IL4I1: variants seen among roughly 807,000 people sequenced by gnomAD.
The protein encoded by IL4I1 is interleukin 4 induced 1, also known as L-amino-acid oxidase.
Under a neutral mutation model 29.7 loss-of-function variants are expected in IL4I1, and 24 were observed. The ratio of observed to expected loss-of-function variants is 0.81; its 90% CI spans 0.59 to 1.14. The LOEUF (loss-of-function observed/expected upper bound fraction) is 1.14, where lower values mean the gene tolerates loss of function less well. IL4I1 is among the 50% of genes most tolerant of loss of function. The pLI is 0.00. For synonymous variants in IL4I1, 371 were observed against 352.5 expected, an observed-to-expected ratio of 1.05 and a Z score of -0.59; for missense variants, 686 against 785.6, an observed-to-expected ratio of 0.87 and a Z score of 1.52.
Position 49,890,565 on chromosome 19 carries a change from G to T in IL4I1, c.809C>A (p.Pro270Gln). 2 of 1,590,988 alleles carry T rather than the reference G, an allele frequency of 1.3e-6. No homozygotes were observed. The highest frequency in any genetic ancestry group is 2.3e-5 in the East Asian group (1 of 44,394). ...GGACAGCGAGCTCAGCAGCGCGCGC[G>T]GCAGCAGGTCCCAGCCACCCACGAT... ...SRIVGGWDLLPRALLSSLSGL... is the reference protein window; with the variant it reads ...SRIVGGWDLLQRALLSSLSGL... The change falls in exon 8 of 8, where the codon CCG becomes CAG. Residue 270 changes from proline to glutamine, a missense_variant. Physicochemically the swap from Pro to Gln is moderately conservative, Grantham distance 76. Coordinates refer to ENST00000391826, the MANE Select transcript of IL4I1 (RefSeq NM_152899.2).
Position 49,908,880 on chromosome 19 carries a change from C to T in IL4I1, c.-227-4559G>A, listed in dbSNP as rs748844929. 41 of 1,610,302 alleles carry T rather than the reference C, an allele frequency of 2.5e-5. No individual in the cohort carries two copies. The highest frequency in any genetic ancestry group is 4.5e-5 in the East Asian group (2 of 44,892). Reference sequence around the variant, plus strand: ...GCGCCAGGGCCAGGTGGAGCGGTCACGGCAGCTGCTGTATTGCTGGGGATC... The same window carrying T: ...GCGCCAGGGCCAGGTGGAGCGGTCATGGCAGCTGCTGTATTGCTGGGGATC... On this transcript the variant is annotated intron_variant, in intron 2 of 9. Transcript: ENST00000341114.
chr19:49,908,921 G>A (rs1453527951), intron 2 of IL4I1: 7 of 1,607,938 alleles, frequency 4.4e-6, no homozygotes, highest in Admixed American at 3.3e-5. Context: ...TGGCGCCAGT[G>A]GTTTTAAATT....
intron 2 of IL4I1, chr19:49,909,556 C>T: frequency 5.6e-6 from 9 of 1,614,128 alleles, no homozygotes; most frequent in Non-Finnish European, 7.6e-6. Context: ...ATCCAGTTCC[C>T]CCCGAAGCAA....
intron 5 of IL4I1, among the ~76,000 whole-genome samples, chr19:49,892,301 C>T (rs934938051): frequency 1.3e-5 from 2 of 152,170 alleles, no homozygotes; most frequent in African/African-American, 4.8e-5. Flanking sequence ...AGGCTGGTCT[C>T]GAACTCCTGA....
Position 49,929,475 on chromosome 19 carries a change from TG to T in IL4I1, c.-500del, listed in dbSNP as rs906473711. 5.9e-5 allele frequency: 9 copies of T among 152,472 alleles called. No homozygotes were observed. In the East Asian group the frequency reaches 1.4e-3, roughly 23 times the overall value. 9.4% of individuals were successfully genotyped at this position (152,472 alleles called of 1,614,324 possible). A position where few individuals can be genotyped will look rare whatever the true frequency, so the allele number is the denominator to read the frequency against. On this transcript the variant is annotated 5_prime_UTR_variant, in exon 1 of 10. Coordinates refer to the IL4I1 transcript ENST00000341114. ...GCTCGTGGCCCTCTTTAGGGAGCCC[TG>T]GGGGGTGGGGAGTCGCGAGCGGGGA...
At chr19:49,891,823 G>A (rs1035611015) in intron 5 of IL4I1, among the ~76,000 whole-genome samples, 1 of 152,220 alleles carries the variant, frequency 6.6e-6, no homozygotes, top group African/African-American at 2.4e-5. Flanking sequence ...AGCTGGAGAG[G>A]AGACTGGGAG....
chr19:49,893,397 G>A (rs2075163485), intron 5 of IL4I1, among the ~76,000 whole-genome samples: 1 of 151,998 alleles, frequency 6.6e-6, no homozygotes, highest in African/African-American at 2.4e-5. Flanking sequence ...TGGGCGAGGA[G>A]GAGGTCAGGA....
At chr19:49,927,808 G>C (rs2075939703) in exon 2 of IL4I1, 1 of 152,300 alleles carries the variant, frequency 6.6e-6, no homozygotes, top group African/African-American at 2.4e-5. Context: ...ATGGGACAAG[G>C]TGGGTTTCTG....
At chr19:49,902,632 A>C (rs57709793) in intron 3 of IL4I1, among the ~76,000 whole-genome samples, 2,616 of 152,248 alleles carry the variant, frequency 0.017, 77 homozygotes, top group African/African-American at 0.06. Flanking sequence ...GCTCAAGACC[A>C]GCCTGGGCAA....
chr19:49,901,816 G>T, upstream of IL4I1: 1 of 809,698 alleles, frequency 1.2e-6, no homozygotes, highest in Non-Finnish European at 1.8e-6. Flanking sequence ...CAGAGCAGCT[G>T]GGAGGCTGTG....
In IL4I1 at chr19:49,894,418, G is replaced by A; in HGVS notation, c.417C>T (p.Thr139=). Residue 139 remains threonine, a synonymous_variant, in exon 5 of 8, where the codon ACC becomes ACT. Coordinates refer to ENST00000391826, the MANE Select transcript of IL4I1 (RefSeq NM_152899.2). ...QGLGLNLTKF[T]QYDKNTWTEV... ...CCGTCCACGTGTTCTTGTCGTACTG[G>A]GTGAACTTGGTCAGGTTGAGCCCCA... 4.3e-6 allele frequency: 7 copies of A among 1,614,178 alleles called. No individual in the cohort carries two copies. Among genetic ancestry groups the A allele is most frequent in the Non-Finnish European group, 5.1e-6 (6 of 1,180,032 alleles).
At chr19:49,891,505 C>A in intron 5 of IL4I1, 32 bp from the exon 6 acceptor site, 1 of 1,606,484 alleles carries the variant, frequency 6.2e-7, no homozygotes, top group Non-Finnish European at 8.5e-7. Flanking sequence ...TGGTGCTGAG[C>A]TGCCCGGGCA....
At chr19:49,914,031 C>T (rs1042967132) in intron 2 of IL4I1, among the ~76,000 whole-genome samples, 1 of 152,190 alleles carries the variant, frequency 6.6e-6, no homozygotes, top group Non-Finnish European at 1.5e-5. Context: ...TAAATTTGCA[C>T]CAAAACCACA....
At chr19:49,922,340 T>A (rs2075785594) in intron 2 of IL4I1, among the ~76,000 whole-genome samples, 1 of 151,954 alleles carries the variant, frequency 6.6e-6, no homozygotes, top group Non-Finnish European at 1.5e-5. Context: ...AGGAAGAGAG[T>A]AATAAGACAC....
intron 5 of IL4I1, among the ~76,000 whole-genome samples, chr19:49,892,690 G>A (rs1426303377): frequency 1.3e-5 from 2 of 152,098 alleles, no homozygotes; most frequent in Non-Finnish European, 2.9e-5. Flanking sequence ...GGTCCACCTG[G>A]CTTCCCCCTT....
chr19:49,890,438 C>T lies in IL4I1; in HGVS notation c.936G>A (p.Val312=). ...TCAGCAGCACCACGTCGGCCTTCAGCACCTTCAGATTCCGCGCCGGGGGAG... is the reference window on the plus strand; with the variant it reads ...TCAGCAGCACCACGTCGGCCTTCAGTACCTTCAGATTCCGCGCCGGGGGAG... The part of the protein sequence containing the change: ...ETSPPARNLK[V]LKADVVLLTA... The change falls in exon 8 of 8, where the codon GTG becomes GTA. Residue 312 remains valine (V), a synonymous_variant. Coordinates refer to ENST00000391826, the MANE Select transcript of IL4I1 (RefSeq NM_152899.2). 2 of 1,611,470 alleles carry T rather than the reference C, an allele frequency of 1.2e-6. No homozygotes were observed. Among genetic ancestry groups the T allele is most frequent in the Non-Finnish European group, 1.7e-6 (2 of 1,179,748 alleles).
chr19:49,895,714 CCT>C, intron 3 of IL4I1, 99 bp downstream of exon 3: 4 of 930,968 alleles, frequency 4.3e-6, no homozygotes, highest in East Asian at 3.0e-5. Flanking sequence ...CACATCCCCA[CCT>C]CCACCCCCTC....
rs1255996863 is a variant in IL4I1 at position 49,921,351 on chromosome 19, C to T, written c.-228+6343G>A. 6.6e-6 allele frequency among the ~76,000 whole-genome samples: 1 copy of T among 152,028 alleles called. No individual in the cohort carries two copies. Among genetic ancestry groups the T allele is most frequent in the African/African-American group, 2.4e-5 (1 of 41,382 alleles). On this transcript the variant is annotated intron_variant, in intron 2 of 9. Transcript: ENST00000341114. This position sits in a 1 kb window ranked among gnomAD's most constrained non-coding sequence, Gnocchi z 5.4. ...CCAAAACATGGTCTTTTTTTGCTCC[C>T]CACTGCCACCACCATCACCGTCCCC...
chr19:49,922,527 T>C (rs1337761911), intron 2 of IL4I1, among the ~76,000 whole-genome samples: 1 of 151,824 alleles, frequency 6.6e-6, no homozygotes, highest in East Asian at 1.9e-4. Context: ...GCCTCAATCC[T>C]CGGAGACTCT....
Sources: gnomAD v4.1 joint callset for allele counts (sites outside exome capture counted in the v4.1 genomes callset) on GRCh38, gnomAD v4.1.1 for gene constraint, Gnocchi (gnomAD v3.1) non-coding constraint, MANE v1.5 for transcripts, NCBI Gene and HGNC (gene_info 2026-07-23, HGNC 2026-07-21) for gene names.